Variants in HDAC9 observed in about 807,000 individuals in gnomAD.
The protein encoded by HDAC9 is MEF-2 interacting transcription repressor (MITR) protein.
Under a neutral mutation model 139.4 loss-of-function variants are expected in HDAC9, and 41 were observed. The observed-to-expected ratio is 0.29, with a 90% confidence interval of 0.23 to 0.38. HDAC9 has a LOEUF of 0.38. Among genes scored for constraint, HDAC9 ranks in the 10% least tolerant of loss-of-function variants. The probability of loss-of-function intolerance (pLI) is 1.00; values close to 1 mark genes in which losing one functional copy is unlikely to be tolerated. For synonymous variants in HDAC9, 517 were observed against 476.2 expected, an observed-to-expected ratio of 1.09 and a Z score of -1.12; for missense variants, 1,147 against 1,297.0, an observed-to-expected ratio of 0.88 and a Z score of 1.78.
chr7:18,230,166 A>G (rs1793350772), intron 2 of HDAC9, among the ~76,000 whole-genome samples: 1 of 152,178 alleles, frequency 6.6e-6, no homozygotes, highest in Admixed American at 6.5e-5. Context: ...TTTTCTGCCA[A>G]AGGAGAAACA....
chr7:18,931,714 G>T (rs755518076), intron 22 of HDAC9, among the ~76,000 whole-genome samples: 6 of 151,972 alleles, frequency 3.9e-5, no homozygotes, highest in Admixed American at 1.3e-4. Flanking sequence ...TTTAGTTTCA[G>T]GCTCTCATTA....
chr7:18,611,680 G>T (rs148947277), intron 6 of HDAC9, among the ~76,000 whole-genome samples: 2 of 152,128 alleles, frequency 1.3e-5, no homozygotes, highest in Non-Finnish European at 2.9e-5. Context: ...CATTGAGAAT[G>T]GCAATTTTGC....
chr7:18,218,444 A>AAAAT (rs1354712773), intron 2 of HDAC9, among the ~76,000 whole-genome samples: 41 of 152,174 alleles, frequency 2.7e-4, no homozygotes, highest in African/African-American at 7.0e-4. Context: ...ACTCTGTCTC[A>AAAAT]AAATAAATAA....
chr7:18,513,072 G>A (rs1802050866), intron 2 of HDAC9, among the ~76,000 whole-genome samples: 1 of 152,156 alleles, frequency 6.6e-6, no homozygotes. Context: ...AATATATTCA[G>A]TTTTTAAACT....
intron 21 of HDAC9, among the ~76,000 whole-genome samples, chr7:18,837,216 A>G (rs576539012): frequency 2.0e-5 from 3 of 151,906 alleles, no homozygotes; most frequent in Non-Finnish European, 4.4e-5. Context: ...GGGAAAAAAT[A>G]TACACAAAGA....
intron 11 of HDAC9, among the ~76,000 whole-genome samples, chr7:18,655,515 TATC>T (rs1288643105): frequency 2.0e-5 from 3 of 152,176 alleles, no homozygotes; most frequent in Admixed American, 2.0e-4. Flanking sequence ...TACCAGCTTA[TATC>T]ATCACAAGGA....
rs145930856 is a variant in HDAC9 at position 18,619,842 on chromosome 7, A to G, written c.665-9508A>G. Among the ~76,000 whole-genome samples, 823 of 152,158 alleles carry G rather than the reference A, an allele frequency of 5.4e-3. 7 individuals carry two copies. Among genetic ancestry groups the G allele is most frequent in the African/African-American group, 0.019 (785 of 41,510 alleles). Reference sequence around the variant, plus strand: ...GGGCTCTGTGCCCTTGGACGTGGTTATTTCCTCTGCATAGAACTGCACTTC... The same window carrying G: ...GGGCTCTGTGCCCTTGGACGTGGTTGTTTCCTCTGCATAGAACTGCACTTC... On this transcript the variant is annotated intron_variant, in intron 6 of 25. Coordinates refer to ENST00000686413, the MANE Select transcript of HDAC9 (RefSeq NM_178425.4).
chr7:18,101,048 A>T (rs541307136), intron 1 of HDAC9, among the ~76,000 whole-genome samples: 2 of 152,194 alleles, frequency 1.3e-5, no homozygotes, highest in East Asian at 3.9e-4. Flanking sequence ...GTTCCCATTA[A>T]CACTTTCAGG....
At chr7:18,148,245 A>G (rs769754174) in intron 1 of HDAC9, among the ~76,000 whole-genome samples, 3 of 152,162 alleles carry the variant, frequency 2.0e-5, no homozygotes, top group African/African-American at 7.2e-5. Context: ...CACTCACGGT[A>G]TCCGCAGGGC....
At chr7:18,787,649 T>C (rs1053126006) in intron 16 of HDAC9, among the ~76,000 whole-genome samples, 3 of 152,180 alleles carry the variant, frequency 2.0e-5, no homozygotes, top group Non-Finnish European at 4.4e-5. Context: ...TACTGTAAAA[T>C]ACAGTTAAAC....
In HDAC9 at chr7:18,162,227, A is replaced by T; in HGVS notation, c.-96-2A>T. On this transcript the variant is annotated splice_acceptor_variant, in intron 1 of 12. Coordinates refer to the HDAC9 transcript ENST00000417496. LOFTEE classifies it low-confidence loss of function (5UTR_SPLICE). Reference sequence around the variant, plus strand: ...AAACACTGCATTTTTCTTATGTTCTAGGTTTCTCCTCTGCCAACCCCTCCT... The same window carrying T: ...AAACACTGCATTTTTCTTATGTTCTTGGTTTCTCCTCTGCCAACCCCTCCT... The T allele has an allele frequency of 9.9e-7, 1 of 1,007,878 alleles. No homozygotes were observed. Among genetic ancestry groups the T allele is most frequent in the Non-Finnish European group, 1.5e-6 (1 of 669,356 alleles). The allele number at this position is 1,007,878 out of a possible 1,614,324, so 62.4% of individuals were successfully genotyped here. A position where few individuals can be genotyped will look rare whatever the true frequency, so the allele number is the denominator to read the frequency against.
chr7:18,341,632 A>G (rs1426425090), intron 1 of HDAC9, among the ~76,000 whole-genome samples: 2 of 151,638 alleles, frequency 1.3e-5, no homozygotes, highest in Non-Finnish European at 2.9e-5. Flanking sequence ...TTTTTTGGAC[A>G]TAGGGGATAC....
At chr7:18,663,940 G>A (rs28412143) in intron 11 of HDAC9, among the ~76,000 whole-genome samples, 4,185 of 152,176 alleles carry the variant, frequency 0.028, 200 homozygotes, top group African/African-American at 0.094. Context: ...AATAATGAGC[G>A]GATGTTTGTT....
At chr7:18,737,904 G>T (rs1787075115) in intron 13 of HDAC9, among the ~76,000 whole-genome samples, 1 of 152,150 alleles carries the variant, frequency 6.6e-6, no homozygotes, top group African/African-American at 2.4e-5. Context: ...AAGTCTCTTT[G>T]TATGTCTCTA....
At chr7:18,156,503 C>T (rs1483823461) in intron 1 of HDAC9, among the ~76,000 whole-genome samples, 1 of 152,114 alleles carries the variant, frequency 6.6e-6, no homozygotes, top group African/African-American at 2.4e-5. Context: ...AGTGATTCTG[C>T]CTCAAAGTTG....
At chr7:18,114,307 C>T (rs2697904) in intron 1 of HDAC9, among the ~76,000 whole-genome samples, 108,566 of 152,114 alleles carry the variant, frequency 0.71, 42,433 homozygotes, top group East Asian at 0.86. Flanking sequence ...CATTGGCCAC[C>T]CTTGGCTACA....
chr7:18,935,265 T>C (rs1407226553), intron 22 of HDAC9, among the ~76,000 whole-genome samples: 1 of 152,152 alleles, frequency 6.6e-6, no homozygotes, highest in Non-Finnish European at 1.5e-5. Flanking sequence ...ATAGATGTTA[T>C]TCATATTTTG....
At chr7:18,818,744 C>T (rs542628959) in intron 17 of HDAC9, among the ~76,000 whole-genome samples, 64 of 152,122 alleles carry the variant, frequency 4.2e-4, no homozygotes, top group African/African-American at 1.5e-3. Flanking sequence ...GGAGATTTGA[C>T]CCTTATTTTT....
At chr7:18,571,641 T>G (rs901029729) in intron 2 of HDAC9, among the ~76,000 whole-genome samples, 1 of 151,910 alleles carries the variant, frequency 6.6e-6, no homozygotes, top group African/African-American at 2.4e-5. Flanking sequence ...TTTTTTTTTT[T>G]GGTAATAAAG....
Sources: gnomAD v4.1 joint callset for allele counts (sites outside exome capture counted in the v4.1 genomes callset) on GRCh38, gnomAD v4.1.1 for gene constraint, MANE v1.5 for transcripts, NCBI Gene and HGNC (gene_info 2026-07-23, HGNC 2026-07-21) for gene names.